MARK3: variants seen among roughly 807,000 people sequenced by gnomAD.
The protein encoded by MARK3 is microtubule affinity regulating kinase 3, also known as MAP/microtubule affinity-regulating kinase 3.
In MARK3, 46 loss-of-function variants were observed where a neutral mutation model predicts 90.1. The ratio of observed to expected loss-of-function variants is 0.51; its 90% CI spans 0.40 to 0.65. The LOEUF (loss-of-function observed/expected upper bound fraction) is 0.65, where lower values mean the gene tolerates loss of function less well. MARK3 is among the 30% of genes least tolerant of loss of function. MARK3 has a pLI of 0.00. For missense variants in MARK3, 818 were observed against 947.2 expected (o/e 0.86, Z 1.79); for synonymous variants, 321 against 332.6 (o/e 0.97, Z 0.38).
At chr14:103,399,699 C>CAAAAAAAAAAAAGA (rs2090826689) in intron 1 of MARK3, among the ~76,000 whole-genome samples, 1 of 84,334 alleles carries the variant, frequency 1.2e-5, no homozygotes, top group Non-Finnish European at 2.4e-5. Context: ...GACTCCATCT[C>CAAAAAAAAAAAAGA]AAAAAAAAAA....
chr14:103,459,967 C>G (rs551848911), intron 6 of MARK3, among the ~76,000 whole-genome samples: 2 of 151,364 alleles, frequency 1.3e-5, no homozygotes, highest in African/African-American at 4.8e-5. Context: ...TGGGTTTTCC[C>G]CTTCTGCTTC....
intron 3 of MARK3, among the ~76,000 whole-genome samples, chr14:103,430,022 C>T (rs897262154): frequency 6.6e-6 from 1 of 151,918 alleles, no homozygotes; most frequent in African/African-American, 2.4e-5. Context: ...TTCATTGCTG[C>T]TCTTCGTTTA....
intron 1 of MARK3, among the ~76,000 whole-genome samples, chr14:103,391,542 CT>C (rs35186837): frequency 0.3 from 41,436 of 139,968 alleles, 6,643 homozygotes; most frequent in Non-Finnish European, 0.37. Flanking sequence ...GTCAAATATG[CT>C]TTTTTTTTTT....
rs2091392050 is a variant in MARK3 at position 103,407,638 on chromosome 14, G to A, written c.243+2371G>A. ...TGCAGTGGTGTGATCTCAGCTCCCT[G>A]TAACCTCCGCCTCCTGGGTTCAAGC... On this transcript the variant is annotated intron_variant, in intron 2 of 17. Coordinates refer to ENST00000429436, the MANE Select transcript of MARK3 (RefSeq NM_001128918.3). 2.4e-5 allele frequency among the ~76,000 whole-genome samples: 3 copies of A among 126,230 alleles called. No homozygotes were observed. The South Asian group carries it at 7.9e-4, about 33-fold the overall frequency. The allele number at this position is 126,230 out of a possible 152,430, so 82.8% of individuals were successfully genotyped here.
At position 103,405,234 on chromosome 14, in the gene MARK3, A is replaced by G. The variant is rs749353860; in HGVS notation, c.210A>G (p.Val70=). The part of the protein sequence containing the change: ...KTIGKGNFAK[V]KLARHILTGR... ...TCGGCAAGGGGAATTTTGCAAAAGT[A>G]AAATTGGCAAGACATATCCTTACAG... The change falls in exon 2 of 18, where the codon GTA becomes GTG. Residue 70 remains valine (V), a synonymous_variant. Coordinates refer to ENST00000429436, the MANE Select transcript of MARK3 (RefSeq NM_001128918.3). 6.4e-7 allele frequency: 1 copy of G among 1,570,050 alleles called. No individual in the cohort carries two copies. The highest frequency in any genetic ancestry group is 8.6e-7 in the Non-Finnish European group (1 of 1,160,196).
intron 17 of MARK3, 25 bp downstream of exon 17, chr14:103,500,225 A>G: frequency 6.4e-7 from 1 of 1,572,778 alleles, no homozygotes; most frequent in Non-Finnish European, 8.6e-7. Context: ...TTTTACTTAA[A>G]ATTTTTTTCA....
In MARK3 at chr14:103,503,000, A is replaced by G. The variant is rs752638401; in HGVS notation, c.2035A>G (p.Ile679Val). ...GGATCCCGGGGACATGATGCGGGAA[A>G]TCCGCAAAGTGTTGGACGCCAATAA... ...SMDPGDMMRE[I>V]RKVLDANNCD... Residue 679 changes from isoleucine (I) to valine (V), a missense_variant, in exon 18 of 18, where the codon ATC (isoleucine) becomes GTC (valine). By Grantham distance (29) the Ile-to-Val change is conservative. This residue lies in a region of MARK3 where 560 missense variants were observed against 613.5 expected (regional missense o/e 0.91). Coordinates refer to ENST00000429436, the MANE Select transcript of MARK3 (RefSeq NM_001128918.3). 24 of 1,614,274 alleles carry G rather than the reference A, an allele frequency of 1.5e-5. No individual in the cohort carries two copies. The Admixed American group carries it at 3.8e-4, about 26-fold the overall frequency.
intron 2 of MARK3, among the ~76,000 whole-genome samples, chr14:103,407,109 C>T (rs912128474): frequency 2.6e-5 from 4 of 152,216 alleles, no homozygotes; most frequent in Admixed American, 1.3e-4. Context: ...GGATTACAGG[C>T]GTGAGCCACC....
At chr14:103,463,423 C>G (rs1169269765) in intron 7 of MARK3, among the ~76,000 whole-genome samples, 2 of 152,150 alleles carry the variant, frequency 1.3e-5, no homozygotes, top group African/African-American at 4.8e-5. Flanking sequence ...CTTCTGGGAT[C>G]CAGGACCCAG....
In MARK3 at chr14:103,412,976, G is replaced by A. The variant is rs888777549; in HGVS notation, c.243+7709G>A. ...CACAACCTCCGCCTCCTGGGTTCAA[G>A]CAATTCTCCCACCTCAGCCTCCCGA... On this transcript the variant is annotated intron_variant, in intron 2 of 17. Coordinates refer to ENST00000429436, the MANE Select transcript of MARK3 (RefSeq NM_001128918.3). Among the ~76,000 whole-genome samples the A allele has an allele frequency of 4.0e-5, 6 of 151,666 alleles. No homozygotes were observed. The South Asian group carries it at 1.2e-3, about 32-fold the overall frequency.
rs756154872 is a variant in MARK3, at chr14:103,503,075, G to A, written c.2110G>A (p.Asp704Asn). 6.2e-7 allele frequency: 1 copy of A among 1,614,248 alleles called. No individual in the cohort carries two copies. The highest frequency in any genetic ancestry group is 1.7e-5 in the Admixed American group (1 of 60,030). The change falls in exon 18 of 18, where the codon GAT becomes AAT. Residue 704 changes from aspartate (D) to asparagine (N), a missense_variant. This residue lies in a region of MARK3 where 560 missense variants were observed against 613.5 expected (regional missense o/e 0.91). Coordinates refer to ENST00000429436, the MANE Select transcript of MARK3 (RefSeq NM_001128918.3). ...CTTCTTGCTCTTCTGCGTCCACGGA[G>A]ATGGGCACGCGGAGAACCTCGTGCA... ...ERFLLFCVHG[D>N]GHAENLVQWE...
At chr14:103,438,463 G>GT (rs1232697595) in intron 3 of MARK3, among the ~76,000 whole-genome samples, 1 of 152,214 alleles carries the variant, frequency 6.6e-6, no homozygotes, top group African/African-American at 2.4e-5. Context: ...CTTGGAGCCA[G>GT]TCACTCATAG....
chr14:103,466,577 A>G (rs1049029798), intron 10 of MARK3, 135 bp downstream of exon 10: 1 of 586,550 alleles, frequency 1.7e-6, no homozygotes, highest in East Asian at 2.8e-5. Context: ...CTGTTCTGTC[A>G]TATTTAGGAA....
At chr14:103,401,567 G>A (rs1595476323) in intron 1 of MARK3, among the ~76,000 whole-genome samples, 1 of 152,162 alleles carries the variant, frequency 6.6e-6, no homozygotes, top group African/African-American at 2.4e-5. Context: ...CTTAGGGTCA[G>A]GAGAGCAAAA....
At chr14:103,455,958 CTTA>C (rs1566875549) in intron 5 of MARK3, among the ~76,000 whole-genome samples, 1 of 152,148 alleles carries the variant, frequency 6.6e-6, no homozygotes, top group African/African-American at 2.4e-5. Flanking sequence ...CCTGAAAACA[CTTA>C]TATCTAATTT....
chr14:103,416,779 TAAAG>T (rs1448154774), intron 2 of MARK3, among the ~76,000 whole-genome samples: 4 of 151,520 alleles, frequency 2.6e-5, no homozygotes, highest in Non-Finnish European at 4.4e-5. Flanking sequence ...TCTCAAAAAA[TAAAG>T]AAAGAAAATA....
intron 2 of MARK3, among the ~76,000 whole-genome samples, chr14:103,406,791 A>G (rs1206549646): frequency 1.3e-5 from 2 of 149,148 alleles, no homozygotes; most frequent in Non-Finnish European, 3.0e-5. Context: ...TCAAAAGAAC[A>G]TGAAACATAT....
chr14:103,460,432 G>A (rs1204495501), intron 6 of MARK3, among the ~76,000 whole-genome samples: 3 of 152,094 alleles, frequency 2.0e-5, no homozygotes, highest in Admixed American at 6.5e-5. Flanking sequence ...TGGTAATATT[G>A]ATGATTTGAC....
At chr14:103,492,174 TA>T in intron 15 of MARK3, 140 bp downstream of exon 15, 1 of 913,974 alleles carries the variant, frequency 1.1e-6, no homozygotes, top group Non-Finnish European at 1.6e-6. Flanking sequence ...TATATATATC[TA>T]ACTTTATACT....
Sources: allele counts gnomAD v4.1 joint callset (sites outside exome capture counted in the v4.1 genomes callset), GRCh38; gene constraint gnomAD v4.1.1; regional missense constraint gnomAD v4.1.1; transcripts MANE v1.5; gene names NCBI Gene and HGNC (gene_info 2026-07-23, HGNC 2026-07-21).